Variants in TRAPPC9 observed in about 807,000 individuals in gnomAD.
The protein encoded by TRAPPC9 is trafficking protein particle complex subunit 9.
In TRAPPC9, 83 loss-of-function variants were observed where a neutral mutation model predicts 124.0. The ratio of observed to expected loss-of-function variants is 0.67; its 90% confidence interval spans 0.56 to 0.80. The LOEUF is 0.80. Among genes scored for constraint, TRAPPC9 ranks in the 30% least tolerant of loss-of-function variants. The pLI is 0.00. For synonymous variants in TRAPPC9, 638 were observed against 617.5 expected (o/e 1.03, Z -0.49); for missense variants, 1,302 against 1,508.3 (o/e 0.86, Z 2.27).
intron 18 of TRAPPC9, among the ~76,000 whole-genome samples, chr8:140,019,651 C>A (rs371994221): frequency 2.2e-5 from 3 of 136,116 alleles, no homozygotes; most frequent in African/African-American, 8.3e-5. Context: ...CTCATGGGTT[C>A]AAGCGATTCT....
intron 15 of TRAPPC9, among the ~76,000 whole-genome samples, chr8:140,270,724 G>A (rs2064851190): frequency 6.6e-6 from 1 of 152,210 alleles, no homozygotes; most frequent in East Asian, 1.9e-4. Context: ...AGGGGTGGGA[G>A]AAGTCAGCAT....
intron 17 of TRAPPC9, chr8:140,096,847 A>T (rs1844989110): frequency 6.6e-6 from 1 of 152,186 alleles, no homozygotes; most frequent in Non-Finnish European, 1.5e-5. Flanking sequence ...GGAAGTGTGG[A>T]AGGAGCAGAG....
intron 17 of TRAPPC9, among the ~76,000 whole-genome samples, chr8:140,215,647 G>GAAAA (rs61147507): frequency 2.2e-5 from 3 of 137,056 alleles, no homozygotes; most frequent in Admixed American, 7.3e-5. Flanking sequence ...CTCCATCTCC[G>GAAAA]AAAAAAAAAA....
intron 21 of TRAPPC9, among the ~76,000 whole-genome samples, chr8:139,765,500 G>C (rs1820523147): frequency 6.6e-6 from 1 of 152,228 alleles, no homozygotes. Flanking sequence ...GTGGGTGGGA[G>C]GAGAGATGAG....
In TRAPPC9 at chr8:140,360,160, C is replaced by T. The variant is rs746266971; in HGVS notation, c.1385G>A (p.Arg462His). ...GGCGTAGACCAATTCATGGAGCAAA[C>T]GCATCTGGACCGCAGCCCAGCCTCT... ...THRGWAAVQM[R>H]LLHELVYASR... Residue 462 changes from arginine (R) to histidine (H), a missense_variant, in exon 9 of 23, where the codon CGT becomes CAT. This residue lies in a region of TRAPPC9 where 657 missense variants were observed against 811.2 expected (regional missense o/e 0.81). Coordinates refer to ENST00000438773, the MANE Select transcript of TRAPPC9 (RefSeq NM_001160372.4). 51 of 1,614,066 alleles carry T rather than the reference C, an allele frequency of 3.2e-5. 1 individual carries two copies. The highest frequency in any genetic ancestry group is 1.6e-4 in the Middle Eastern group (1 of 6,084).
intron 5 of TRAPPC9, among the ~76,000 whole-genome samples, chr8:140,419,695 C>A (rs1475847528): frequency 6.6e-6 from 1 of 151,484 alleles, no homozygotes; most frequent in Non-Finnish European, 1.5e-5. Flanking sequence ...ACCATCCTGG[C>A]TAACACGGTG....
chr8:140,049,084 G>A (rs1314945588), intron 17 of TRAPPC9, among the ~76,000 whole-genome samples: 1 of 152,168 alleles, frequency 6.6e-6, no homozygotes, highest in Non-Finnish European at 1.5e-5. Context: ...CTGATTCCCC[G>A]CGATGACGGA....
rs1818323183 is a variant in TRAPPC9, at chr8:139,738,144, A to G, written c.3056-5942T>C. 3.3e-5 allele frequency among the ~76,000 whole-genome samples: 5 copies of G among 152,238 alleles called. No individual in the cohort carries two copies. The South Asian group carries it at 1.0e-3, about 32-fold the overall frequency. On this transcript the variant is annotated intron_variant, in intron 21 of 22. Coordinates refer to ENST00000438773, the MANE Select transcript of TRAPPC9 (RefSeq NM_001160372.4). ...GGTCCCCTTAGGCCTTTTTGCCTGGACCTCGAATGCCCTATCCCAGGGAAG... is the reference window on the plus strand; with the variant it reads ...GGTCCCCTTAGGCCTTTTTGCCTGGGCCTCGAATGCCCTATCCCAGGGAAG...
intron 16 of TRAPPC9, among the ~76,000 whole-genome samples, chr8:140,227,232 A>C (rs1215483221): frequency 6.6e-6 from 1 of 151,982 alleles, no homozygotes; most frequent in Non-Finnish European, 1.5e-5. Context: ...CCTGGGAAGG[A>C]TCTCTCTCCA....
At chr8:139,853,978 A>G (rs1471016418) in intron 21 of TRAPPC9, among the ~76,000 whole-genome samples, 2 of 152,240 alleles carry the variant, frequency 1.3e-5, no homozygotes, top group East Asian at 1.9e-4. Flanking sequence ...ATTATACCAA[A>G]ATATTATTTA....
intron 20 of TRAPPC9, among the ~76,000 whole-genome samples, chr8:139,891,952 C>G (rs1042368993): frequency 2.6e-5 from 4 of 152,258 alleles, no homozygotes; most frequent in African/African-American, 4.8e-5. Flanking sequence ...GCAGCCCACT[C>G]TGCCCCCAGA....
intron 21 of TRAPPC9, among the ~76,000 whole-genome samples, chr8:139,772,655 T>A (rs375673165): frequency 6.6e-6 from 1 of 152,228 alleles, no homozygotes; most frequent in African/African-American, 2.4e-5. Context: ...TTTATTCTAA[T>A]CTTTGTGCAG....
rs550253266 is a variant in TRAPPC9 at position 140,439,173 on chromosome 8, G to A, written c.609C>T (p.Gly203=). 4 of 1,614,114 alleles carry A rather than the reference G, an allele frequency of 2.5e-6. 1 individual carries two copies. In the South Asian group the frequency reaches 3.3e-5, roughly 13 times the overall value. The stretch of plus-strand genomic sequence containing the variant: ...GGTCCCCCACGTGCTTCCGCATGCG[G>A]CCTTGGCACCGCTTCTTGTAATGTC... ...DSRHYKKRCQ[G]RMRKHVGDLC... Residue 203 remains glycine, a synonymous_variant, in exon 3 of 23, where the codon GGC becomes GGT. Transcript: ENST00000438773.
intron 21 of TRAPPC9, among the ~76,000 whole-genome samples, chr8:139,878,387 T>A (rs911578784): frequency 4.6e-5 from 7 of 152,216 alleles, no homozygotes; most frequent in African/African-American, 9.6e-5. Flanking sequence ...GCTGTTTTTT[T>A]ATCTATGTTT....
intron 21 of TRAPPC9, among the ~76,000 whole-genome samples, chr8:139,830,959 G>A (rs1377067699): frequency 6.6e-6 from 1 of 152,236 alleles, no homozygotes; most frequent in East Asian, 1.9e-4. Context: ...CGCTGGCCGC[G>A]CTGACTGACA....
chr8:140,440,721 T>C (rs1308509574), intron 2 of TRAPPC9, among the ~76,000 whole-genome samples: 2 of 152,064 alleles, frequency 1.3e-5, no homozygotes, highest in Admixed American at 1.3e-4. Context: ...AATTCAGTCG[T>C]AGGGAGAGGC....
chr8:139,830,998 G>A (rs1825955619), intron 21 of TRAPPC9, among the ~76,000 whole-genome samples: 1 of 152,172 alleles, frequency 6.6e-6, no homozygotes, highest in Non-Finnish European at 1.5e-5. Flanking sequence ...TGTGCCGAAT[G>A]CTCACGTGCA....
chr8:139,973,434 T>C (rs2941576), intron 19 of TRAPPC9, among the ~76,000 whole-genome samples: 135,261 of 152,238 alleles, frequency 0.89, 60,276 homozygotes, highest in East Asian at 0.99. Context: ...CACCCTGCCT[T>C]AGCCTGCTCT....
intron 17 of TRAPPC9, among the ~76,000 whole-genome samples, chr8:140,126,963 G>A (rs934365755): frequency 1.3e-5 from 2 of 152,206 alleles, no homozygotes; most frequent in African/African-American, 2.4e-5. Flanking sequence ...AGATGGGGCT[G>A]GGTGATAGAC....
Sources: allele counts gnomAD v4.1 joint callset (sites outside exome capture counted in the v4.1 genomes callset), GRCh38; gene constraint gnomAD v4.1.1; regional missense constraint gnomAD v4.1.1; transcripts MANE v1.5; gene names NCBI Gene and HGNC (gene_info 2026-07-23, HGNC 2026-07-21).